CFAP251: variants seen among roughly 807,000 people sequenced by gnomAD.
CFAP251 encodes the protein cilia and flagella associated protein 251.
In CFAP251, 93 loss-of-function variants were observed where a neutral mutation model predicts 126.7. The ratio of observed to expected loss-of-function variants is 0.73; its 90% confidence interval spans 0.62 to 0.87. The LOEUF (loss-of-function observed/expected upper bound fraction) is 0.87, where lower values mean the gene tolerates loss of function less well. Among genes scored for constraint, CFAP251 ranks in the 40% least tolerant of loss-of-function variants. The pLI is 0.00. For missense variants in CFAP251, 1,287 were observed against 1,389.2 expected, an observed-to-expected ratio of 0.93 and a Z score of 1.17; for synonymous variants, 503 against 506.9, an observed-to-expected ratio of 0.99 and a Z score of 0.10.
chr12:121,959,238 A>G, intron 13 of CFAP251, 144 bp downstream of exon 13: 1 of 884,456 alleles, frequency 1.1e-6, no homozygotes, highest in Non-Finnish European at 1.7e-6. Context: ...GGAATTCAAG[A>G]CCAGCCTAGG....
intron 11 of CFAP251, among the ~76,000 whole-genome samples, chr12:121,957,682 C>T (rs905700624): frequency 1.5e-4 from 20 of 129,818 alleles, no homozygotes; most frequent in East Asian, 1.1e-3. Context: ...CCAGCCTGGG[C>T]GACAGAGCGA....
chr12:121,964,356 T>G (rs1162739078), intron 15 of CFAP251, among the ~76,000 whole-genome samples: 1 of 152,178 alleles, frequency 6.6e-6, no homozygotes, highest in Non-Finnish European at 1.5e-5. Context: ...GAAAACATAC[T>G]TTTTGGACAA....
intron 21 of CFAP251, among the ~76,000 whole-genome samples, chr12:122,003,057 C>T (rs1356200156): frequency 6.6e-6 from 1 of 152,114 alleles, no homozygotes; most frequent in East Asian, 1.9e-4. Context: ...CTGCTGTGTT[C>T]CCAGGCATCT....
Position 121,960,757 on chromosome 12 carries a change from T to C in CFAP251, c.2306T>C (p.Leu769Ser). The C allele has an allele frequency of 6.2e-7, 1 of 1,612,894 alleles. No homozygotes were observed. ...RLLSLGTDRL[L>S]IEYDLLRSYK... ...CTGAGCCTTGGGACAGACAGGCTCT[T>C]GGTGAGCTGTTTAGTTTTCGTTGAC... Residue 769 changes from leucine (L) to serine (S), a missense_variant and splice_region_variant, in exon 14 of 22, where the codon TTG becomes TCG. Leu to Ser is a moderately radical substitution (Grantham distance 145). Coordinates refer to ENST00000288912, the MANE Select transcript of CFAP251 (RefSeq NM_144668.6).
intron 7 of CFAP251, chr12:121,947,764 G>C (rs1190237973): frequency 6.6e-6 from 1 of 152,190 alleles, no homozygotes; most frequent in Non-Finnish European, 1.5e-5. Flanking sequence ...GCTTGAGGTC[G>C]TTTGAGGCTG....
chr12:121,936,917 G>A (rs557313599), intron 5 of CFAP251, among the ~76,000 whole-genome samples: 6 of 152,300 alleles, frequency 3.9e-5, no homozygotes, highest in Non-Finnish European at 8.8e-5. Flanking sequence ...AGAGTGACAT[G>A]AAAGAGCAGG....
At chr12:121,947,387 G>A (rs370232162) in intron 7 of CFAP251, among the ~76,000 whole-genome samples, 3 of 151,980 alleles carry the variant, frequency 2.0e-5, no homozygotes, top group Non-Finnish European at 2.9e-5. Context: ...CCCAATGCTC[G>A]GATCTCCTGT....
Position 121,999,632 on chromosome 12 carries a change from G to A in CFAP251, c.3007-84G>A, listed in dbSNP as rs887447653. The A allele has an allele frequency of 1.0e-5, 11 of 1,068,946 alleles. No individual in the cohort carries two copies. The African/African-American group carries it at 1.6e-4, about 16-fold the overall frequency. The allele number at this position is 1,068,946 out of a possible 1,614,324, so 66.2% of individuals were successfully genotyped here. On this transcript the variant is annotated intron_variant, in intron 19 of 21. Coordinates refer to ENST00000288912, the MANE Select transcript of CFAP251 (RefSeq NM_144668.6). ...ATTACAGGCATGAGCCGCTGCACCA[G>A]CCCTACTGTCCAATTTTTAGAAATC...
intron 16 of CFAP251, among the ~76,000 whole-genome samples, chr12:121,967,575 G>A (rs774641740): frequency 6.6e-6 from 1 of 152,154 alleles, no homozygotes; most frequent in African/African-American, 2.4e-5. Context: ...GGTGGTGGGC[G>A]CCTGTAGTCC....
chr12:121,923,634 G>C lies in CFAP251; in HGVS notation c.391G>C (p.Gly131Arg), dbSNP rs759139764. 2 of 1,606,800 alleles carry C rather than the reference G, an allele frequency of 1.2e-6. No homozygotes were observed. The highest frequency in any genetic ancestry group is 2.7e-5 in the African/African-American group (2 of 74,372). Residue 131 changes from glycine (G) to arginine (R), a missense_variant, in exon 3 of 22, where the codon GGT (glycine) becomes CGT (arginine). Transcript: ENST00000288912. The part of the protein sequence containing the change: ...TSGIFPKTQR[G>R]SKSKLSLQLE... ...TTTCTTTTTAAAGAAAACCCAAAGA[G>C]GTAGCAAGTCAAAGCTTTCCTTACA... is the stretch of plus-strand genomic sequence containing the variant.
intron 1 of CFAP251, among the ~76,000 whole-genome samples, chr12:121,920,994 G>A (rs1018281771): frequency 3.3e-5 from 5 of 151,428 alleles, no homozygotes; most frequent in South Asian, 4.2e-4. Context: ...GATTACAGGC[G>A]CCTGCCACCA....
intron 7 of CFAP251, 65 bp downstream of exon 7, chr12:121,943,040 G>A (rs1474342515): frequency 2.1e-5 from 32 of 1,560,582 alleles, no homozygotes; most frequent in African/African-American, 1.1e-4. Flanking sequence ...CAGGCTGGGC[G>A]TGGTGGCTCA....
chr12:121,964,559 T>A (rs543228943), intron 15 of CFAP251, among the ~76,000 whole-genome samples: 26 of 152,332 alleles, frequency 1.7e-4, no homozygotes, highest in African/African-American at 6.3e-4. Context: ...ATAAAGCATC[T>A]TAAAAATTTT....
At chr12:121,970,924 T>C (rs1479157596) in intron 17 of CFAP251, among the ~76,000 whole-genome samples, 2 of 152,100 alleles carry the variant, frequency 1.3e-5, no homozygotes, top group Non-Finnish European at 2.9e-5. Flanking sequence ...CCAGCTTGTG[T>C]TGGAGAAATG....
chr12:121,968,473 C>T (rs1025606964), intron 17 of CFAP251, among the ~76,000 whole-genome samples: 1 of 152,202 alleles, frequency 6.6e-6, no homozygotes, highest in African/African-American at 2.4e-5. Flanking sequence ...TCTAGGCCGA[C>T]CCTCCAAAGC....
At chr12:121,955,287 C>T (rs748083825) in intron 10 of CFAP251, among the ~76,000 whole-genome samples, 2 of 152,054 alleles carry the variant, frequency 1.3e-5, no homozygotes, top group East Asian at 1.9e-4. Flanking sequence ...GAGTGAGACT[C>T]GGTCTCAAAA....
chr12:122,001,450 T>C (rs2135821472), intron 20 of CFAP251, 47 bp from the exon 21 acceptor site: 2 of 1,467,720 alleles, frequency 1.4e-6, no homozygotes, highest in East Asian at 2.3e-5. Flanking sequence ...GACAGTATGC[T>C]TAGCCTCAAG....
At chr12:121,984,699 C>T (rs532861495) in intron 19 of CFAP251, among the ~76,000 whole-genome samples, 2 of 152,320 alleles carry the variant, frequency 1.3e-5, no homozygotes, top group African/African-American at 4.8e-5. Context: ...GATGATTTCA[C>T]ATACAAGGCA....
intron 5 of CFAP251, among the ~76,000 whole-genome samples, chr12:121,935,046 C>T (rs1026123483): frequency 6.6e-6 from 1 of 152,202 alleles, no homozygotes; most frequent in African/African-American, 2.4e-5. Flanking sequence ...AAGAGATCCT[C>T]CCATCTTGGA....
Sources: gnomAD v4.1 joint callset for allele counts (sites outside exome capture counted in the v4.1 genomes callset) on GRCh38, gnomAD v4.1.1 for gene constraint, MANE v1.5 for transcripts, NCBI Gene and HGNC (gene_info 2026-07-23, HGNC 2026-07-21) for gene names.